CLSPN: variants seen among roughly 807,000 people sequenced by gnomAD.
CLSPN encodes the protein claspin homolog.
In CLSPN, 85 loss-of-function variants were observed where a neutral mutation model predicts 156.3. The observed-to-expected ratio is 0.54, with a 90% CI of 0.46 to 0.65. CLSPN has a LOEUF of 0.65. Ranked by LOEUF, CLSPN falls within the 30% of genes least tolerant of loss-of-function variation. The pLI, the probability that CLSPN is intolerant of heterozygous loss-of-function variation, is 0.00. For synonymous variants in CLSPN, 534 were observed against 542.4 expected (o/e 0.98, Z 0.22); for missense variants, 1,407 against 1,554.9 (o/e 0.90, Z 1.60).
chr1:35,728,939 C>T, downstream of CLSPN, among the ~76,000 whole-genome samples: 1 of 141,000 alleles, frequency 7.1e-6, no homozygotes, highest in East Asian at 2.0e-4. Context: ...CACACACACA[C>T]ACACACACAC....
At position 35,765,180 on chromosome 1, in the gene CLSPN, C is replaced by T. The variant is rs201885250; in HGVS notation, c.133+38G>A. The stretch of plus-strand genomic sequence containing the variant: ...CCAATCTACTTACAACTGAGGCTCC[C>T]GCAACCTATTCCTAAAAATAAAAGT... On this transcript the variant is annotated intron_variant, in intron 2 of 24. Coordinates refer to ENST00000318121, the MANE Select transcript of CLSPN (RefSeq NM_022111.4). The T allele has an allele frequency of 6.1e-6, 8 of 1,317,528 alleles. No homozygotes were observed. In the East Asian group the frequency reaches 1.2e-4, roughly 19 times the overall value. 81.6% of individuals were successfully genotyped at this position (1,317,528 alleles called of 1,614,324 possible).
At chr1:35,738,982 G>A (rs1353575669) in intron 20 of CLSPN, among the ~76,000 whole-genome samples, 154 bp downstream of exon 20, 1 of 152,136 alleles carries the variant, frequency 6.6e-6, no homozygotes, top group South Asian at 2.1e-4. Flanking sequence ...TGAACTTTTA[G>A]TAGGGACGGG....
rs1641396957 is a variant in CLSPN, at chr1:35,734,522, A to G, written c.*1974T>C. ...TGGCGAAACCTCATCTCTAATAAAA[A>G]TACAAAAAATTAGCTGGGAGTGGTG... On this transcript the variant is annotated 3_prime_UTR_variant, in exon 25 of 25. Coordinates refer to ENST00000318121, the MANE Select transcript of CLSPN (RefSeq NM_022111.4). 1 of 345,590 alleles carries G rather than the reference A, an allele frequency of 2.9e-6. No homozygotes were observed. Among genetic ancestry groups the G allele is most frequent in the South Asian group, 1.2e-4 (1 of 8,468 alleles). 21.4% of individuals were successfully genotyped at this position (345,590 alleles called of 1,614,324 possible).
intron 24 of CLSPN, among the ~76,000 whole-genome samples, chr1:35,724,660 AATAAT>A (rs1289752780): frequency 6.6e-6 from 1 of 152,240 alleles, no homozygotes; most frequent in Non-Finnish European, 1.5e-5. Context: ...GGCTAAATAA[AATAAT>A]ATGCCTTAAA....
chr1:35,753,627 T>C (rs1319797519), intron 9 of CLSPN, 118 bp downstream of exon 9: 1 of 958,212 alleles, frequency 1.0e-6, no homozygotes, highest in Non-Finnish European at 1.6e-6. Context: ...GATACTGCTC[T>C]GCAAAGCCTC....
intron 8 of CLSPN, among the ~76,000 whole-genome samples, chr1:35,758,425 A>G (rs1432573754): frequency 6.6e-6 from 1 of 152,128 alleles, no homozygotes; most frequent in East Asian, 1.9e-4. Context: ...CAGGCAGATC[A>G]CCTAAGGTCA....
Position 35,769,839 on chromosome 1 carries a change from A to T in CLSPN, c.24+8T>A. 1 of 1,600,300 alleles carries T rather than the reference A, an allele frequency of 6.2e-7. No homozygotes were observed. ...AAGCCCCCGTGGGGGGCGTGTGCAT[A>T]AACTCACCTCAGAACCCACCTCGCC... On this transcript the variant is annotated splice_region_variant and intron_variant, in intron 1 of 24. Transcript: ENST00000318121.
At chr1:35,726,535 G>A (rs1411530040) in intron 24 of CLSPN, among the ~76,000 whole-genome samples, 2 of 152,114 alleles carry the variant, frequency 1.3e-5, no homozygotes, top group Non-Finnish European at 2.9e-5. Context: ...ATTTGCTCTC[G>A]CCCTCTTGCC....
chr1:35,731,829 A>G (rs1641324874), downstream of CLSPN, among the ~76,000 whole-genome samples: 1 of 152,242 alleles, frequency 6.6e-6, no homozygotes, highest in Non-Finnish European at 1.5e-5. Flanking sequence ...CAGGAGGAAG[A>G]GCAGGTTTTT....
At chr1:35,762,966 A>G (rs1557523362) in intron 4 of CLSPN, among the ~76,000 whole-genome samples, 194 bp downstream of exon 4, 1 of 151,988 alleles carries the variant, frequency 6.6e-6, no homozygotes, top group Admixed American at 6.6e-5. Flanking sequence ...ATAACAAAAC[A>G]CTAGTTTCCA....
chr1:35,745,414 C>T lies in CLSPN; in HGVS notation c.2966+37G>A. The T allele has an allele frequency of 2.2e-6, 3 of 1,390,370 alleles. No individual in the cohort carries two copies. The East Asian group carries it at 6.8e-5, about 32-fold the overall frequency. The allele number at this position is 1,390,370 out of a possible 1,614,324, so 86.1% of individuals were successfully genotyped here. A position where few individuals can be genotyped will look rare whatever the true frequency, so the allele number is the denominator to read the frequency against. ...CAGTTATTTTGATTTTATCAAAAGG[C>T]CAGGCCTTCCCAAATTCCCAGCAAT... On this transcript the variant is annotated intron_variant, in intron 16 of 24. Coordinates refer to ENST00000318121, the MANE Select transcript of CLSPN (RefSeq NM_022111.4).
At chr1:35,728,324 C>A (rs1019758964), downstream of CLSPN, among the ~76,000 whole-genome samples, 1 of 151,938 alleles carries the variant, frequency 6.6e-6, no homozygotes, top group African/African-American at 2.4e-5. Flanking sequence ...TCAAGCAAAC[C>A]CCCCACCTCA....
At chr1:35,753,074 T>C (rs12089175) in intron 9 of CLSPN, among the ~76,000 whole-genome samples, 16,953 of 152,146 alleles carry the variant, frequency 0.11, 1,663 homozygotes, top group African/African-American at 0.27. Context: ...TATGATCACA[T>C]TATAGGTGGG....
chr1:35,758,016 T>C (rs1202484740), intron 8 of CLSPN, among the ~76,000 whole-genome samples: 2 of 152,054 alleles, frequency 1.3e-5, no homozygotes, highest in Non-Finnish European at 2.9e-5. Flanking sequence ...GTTTTTCTTT[T>C]TGTTTTAATG....
intron 23 of CLSPN, 68 bp from the exon 24 acceptor site, chr1:35,737,143 C>T: frequency 6.8e-7 from 1 of 1,472,930 alleles, no homozygotes; most frequent in Non-Finnish European, 9.4e-7. Context: ...GTCCTTCCCT[C>T]CCTGCTTCCC....
intron 24 of CLSPN, among the ~76,000 whole-genome samples, chr1:35,721,201 C>T (rs1235267410): frequency 6.6e-6 from 1 of 152,154 alleles, no homozygotes; most frequent in Non-Finnish European, 1.5e-5. Flanking sequence ...GTTCCATTCA[C>T]GCACCTCTCA....
intron 18 of CLSPN, 92 bp from the exon 19 acceptor site, chr1:35,739,621 T>C (rs974373191): frequency 5.5e-6 from 5 of 904,614 alleles, no homozygotes; most frequent in Admixed American, 2.5e-5. Context: ...TCACTTCTAA[T>C]AATAATAAAC....
In CLSPN at chr1:35,765,296, T is replaced by G; in HGVS notation, c.55A>C (p.Ile19Leu). 2 of 1,613,872 alleles carry G rather than the reference T, an allele frequency of 1.2e-6. No homozygotes were observed. The highest frequency in any genetic ancestry group is 1.7e-6 in the Non-Finnish European group (2 of 1,179,884). ...VHLEINDPNVISQEEADSPSD... is the reference protein window; with the variant it reads ...VHLEINDPNVLSQEEADSPSD... ...GGACTATCTGCTTCCTCTTGTGAAA[T>G]GACGTTTGGGTCATTGATTTCTAGG... Residue 19 changes from isoleucine to leucine, a missense_variant, in exon 2 of 25, where the codon ATT becomes CTT. Ile to Leu is a conservative substitution (Grantham distance 5). Coordinates refer to ENST00000318121, the MANE Select transcript of CLSPN (RefSeq NM_022111.4).
chr1:35,768,503 GC>G (rs1289470245), intron 1 of CLSPN, among the ~76,000 whole-genome samples: 1 of 151,856 alleles, frequency 6.6e-6, no homozygotes, highest in Non-Finnish European at 1.5e-5. Context: ...GACCTCCCAG[GC>G]CCAAAGGATT....
Sources: gnomAD v4.1 joint callset for allele counts (sites outside exome capture counted in the v4.1 genomes callset) on GRCh38, gnomAD v4.1.1 for gene constraint, MANE v1.5 for transcripts, NCBI Gene and HGNC (gene_info 2026-07-23, HGNC 2026-07-21) for gene names.